The following UBR4 variants were observed in gnomAD, a reference collection of about 807,000 sequenced individuals.
The protein encoded by UBR4 is E3 ubiquitin-protein ligase UBR4.
A neutral mutation model predicts 575.6 loss-of-function variants in UBR4; 124 were observed. That is an observed-to-expected ratio of 0.22 (90% CI 0.19 to 0.25). The LOEUF is 0.25. Ranked by LOEUF, UBR4 falls within the 10% of genes least tolerant of loss-of-function variation. The pLI, the probability that UBR4 is intolerant of heterozygous loss-of-function variation, is 1.00. For synonymous variants in UBR4, 2,455 were observed against 2,473.7 expected (o/e 0.99, Z 0.22); for missense variants, 4,818 against 6,478.8 (o/e 0.74, Z 8.80).
At chr1:19,131,663 CA>C (rs1372495040) in intron 60 of UBR4, among the ~76,000 whole-genome samples, 1 of 152,188 alleles carries the variant, frequency 6.6e-6, no homozygotes, top group Non-Finnish European at 1.5e-5. Context: ...CATCTGAGGT[CA>C]AAAGTTCAAG....
At chr1:19,176,537 A>G (rs1048410963) in intron 20 of UBR4, 55 bp downstream of exon 20, 2 of 1,590,012 alleles carry the variant, frequency 1.3e-6, no homozygotes, top group Admixed American at 1.7e-5. Context: ...TTCAAATTCA[A>G]CCCCACCAAT....
chr1:19,116,566 C>T (rs562654932), intron 73 of UBR4, among the ~76,000 whole-genome samples: 1 of 152,210 alleles, frequency 6.6e-6, no homozygotes, highest in Non-Finnish European at 1.5e-5. Context: ...CTCTGTAAGT[C>T]TTACTATTCA....
intron 83 of UBR4, 79 bp downstream of exon 83, chr1:19,106,490 T>C: frequency 1.4e-6 from 2 of 1,468,054 alleles, no homozygotes; most frequent in African/African-American, 1.4e-5. Flanking sequence ...TGCAGACACA[T>C]GGTGAGGGGC....
chr1:19,110,679 G>A lies in UBR4; in HGVS notation c.11892+63C>T. 2.6e-6 allele frequency: 4 copies of A among 1,565,330 alleles called. No homozygotes were observed. In the South Asian group the frequency reaches 3.3e-5, roughly 13 times the overall value. On this transcript the variant is annotated intron_variant, in intron 79 of 105. Coordinates refer to ENST00000375254, the MANE Select transcript of UBR4 (RefSeq NM_020765.3). This position sits in a 1 kb window ranked among gnomAD's most constrained non-coding sequence, Gnocchi z 4.5. ...ACCGCAGGACCTGGGAGGGGAAGCT[G>A]AGAAACACAAGGCATGTGAGGGGAA...
chr1:19,120,965 T>C (rs1354721333), intron 68 of UBR4, among the ~76,000 whole-genome samples: 1 of 152,236 alleles, frequency 6.6e-6, no homozygotes, highest in Non-Finnish European at 1.5e-5. Flanking sequence ...TCAGTGCACT[T>C]TGACTTTTCT....
Position 19,100,207 on chromosome 1 carries a change from C to T in UBR4, c.13221+169G>A. On this transcript the variant is annotated intron_variant, in intron 89 of 105. Transcript: ENST00000375254. This position sits in a 1 kb window ranked among gnomAD's most constrained non-coding sequence, Gnocchi z 4.2. ...CCTTTACAGGTTATTAACCTTAGCA[C>T]TAGGTGAGGTAGAAAGGTGGGAATC... The T allele has an allele frequency of 1.5e-6, 1 of 673,744 alleles. No individual in the cohort carries two copies. Among genetic ancestry groups the T allele is most frequent in the Non-Finnish European group, 2.5e-6 (1 of 392,924 alleles). 41.7% of individuals were successfully genotyped at this position (673,744 alleles called of 1,614,324 possible).
intron 52 of UBR4, 30 bp from the exon 53 acceptor site, chr1:19,145,963 T>C (rs1465200031): frequency 6.2e-7 from 1 of 1,612,662 alleles, no homozygotes; most frequent in Non-Finnish European, 8.5e-7. Flanking sequence ...TTATCAACGA[T>C]GGTAAATCTG....
chr1:19,125,860 T>A (rs1031783520), intron 64 of UBR4, among the ~76,000 whole-genome samples: 5 of 152,182 alleles, frequency 3.3e-5, no homozygotes, highest in Non-Finnish European at 5.9e-5. Context: ...TGGGCATTGA[T>A]ACATGCTAGG....
intron 9 of UBR4, 72 bp from the exon 10 acceptor site, chr1:19,192,612 CA>C: frequency 1.9e-6 from 3 of 1,541,138 alleles, no homozygotes; most frequent in Non-Finnish European, 2.7e-6. Flanking sequence ...AAATCCTACC[CA>C]AACAATTTAA....
At position 19,144,139 on chromosome 1, in the gene UBR4, G is replaced by A. The variant is rs758463613; in HGVS notation, c.8068-48C>T. 8 of 1,541,582 alleles carry A rather than the reference G, an allele frequency of 5.2e-6. No individual in the cohort carries two copies. In the Admixed American group the frequency reaches 1.3e-4, roughly 26 times the overall value. ...CACGCTTTGCTCTCATATTATTCATGAAACTCTCTATAAAACACTTTCCTT... is the reference window on the plus strand; with the variant it reads ...CACGCTTTGCTCTCATATTATTCATAAAACTCTCTATAAAACACTTTCCTT... On this transcript the variant is annotated intron_variant, in intron 54 of 105. Transcript: ENST00000375254.
chr1:19,092,446 A>C, intron 97 of UBR4, among the ~76,000 whole-genome samples: 1 of 151,522 alleles, frequency 6.6e-6, no homozygotes, highest in South Asian at 2.1e-4. Context: ...TGCGGAGTGG[A>C]ATGGGTGGGA....
chr1:19,167,162 A>G lies in UBR4; in HGVS notation c.3969T>C (p.Thr1323=). The G allele has an allele frequency of 2.5e-6, 4 of 1,614,238 alleles. No homozygotes were observed. The South Asian group carries it at 4.4e-5, about 18-fold the overall frequency. The change falls in exon 29 of 106, where the codon ACT becomes ACC. Residue 1323 remains threonine, a synonymous_variant. Coordinates refer to ENST00000375254, the MANE Select transcript of UBR4 (RefSeq NM_020765.3). Reference sequence around the variant, plus strand: ...TGCTACTGATCTCGGCAACACTCTCAGTGCTTGATTCCAAAAGAAGAGGTA... The same window carrying G: ...TGCTACTGATCTCGGCAACACTCTCGGTGCTTGATTCCAAAAGAAGAGGTA... ...TLLPLLLESS[T]ESVAEISSNS...
Position 19,173,093 on chromosome 1 carries a change from T to C in UBR4, c.3292A>G (p.Ile1098Val), listed in dbSNP as rs766013363. ...CAGTCGATACTACAGAAGGATGAGA[T>C]CTTTAAAAATATGCAAAATATAATT... is the stretch of plus-strand genomic sequence containing the variant. ...EIVEEYFARQ[I>V]SSFCSIDCTT... Residue 1098 changes from isoleucine (I) to valine (V), a missense_variant and splice_region_variant, in exon 25 of 106, where the codon ATC becomes GTC. Ile to Val is a conservative substitution (Grantham distance 29). Coordinates refer to ENST00000375254, the MANE Select transcript of UBR4 (RefSeq NM_020765.3). The C allele has an allele frequency of 6.2e-7, 1 of 1,613,856 alleles. No individual in the cohort carries two copies.
chr1:19,193,633 C>A (rs943753345), intron 8 of UBR4, 76 bp from the exon 9 acceptor site: 6 of 1,511,216 alleles, frequency 4.0e-6, no homozygotes, highest in African/African-American at 2.8e-5. Context: ...CAAAAGCACA[C>A]CCCACCCACA....
At chr1:19,081,908 T>C (rs1283923939) in intron 102 of UBR4, 2 of 611,062 alleles carry the variant, frequency 3.3e-6, no homozygotes, top group Non-Finnish European at 5.9e-6. Context: ...GGAACTGTGC[T>C]AGTAACTCCA....
chr1:19,186,515 G>A (rs991315975), intron 14 of UBR4, 25 bp downstream of exon 14: 1 of 1,594,792 alleles, frequency 6.3e-7, no homozygotes, highest in African/African-American at 1.3e-5. Flanking sequence ...CTTATCTCTG[G>A]GAGAGAGAAA....
chr1:19,206,476 AG>A (rs2093019209), intron 1 of UBR4, among the ~76,000 whole-genome samples: 1 of 152,024 alleles, frequency 6.6e-6, no homozygotes, highest in African/African-American at 2.4e-5. Flanking sequence ...TGGGCATTAC[AG>A]GCGCGCGCCA....
At chr1:19,161,554 A>C in intron 37 of UBR4, 35 bp downstream of exon 37, 1 of 1,553,812 alleles carries the variant, frequency 6.4e-7, no homozygotes, top group Non-Finnish European at 8.7e-7. Flanking sequence ...GTCACTAACA[A>C]GCCACCCTTT....
In UBR4 at chr1:19,089,961, T is replaced by A. The variant is rs960479526; in HGVS notation, c.14212-984A>T. Among the ~76,000 whole-genome samples, 2 of 152,258 alleles carry A rather than the reference T, an allele frequency of 1.3e-5. No individual in the cohort carries two copies. The highest frequency in any genetic ancestry group is 2.9e-5 in the Non-Finnish European group (2 of 68,040). On this transcript the variant is annotated intron_variant, in intron 97 of 105. Transcript: ENST00000375254. This position sits in a 1 kb window ranked among gnomAD's most constrained non-coding sequence, Gnocchi z 4.3. ...TACTGTGTGTGCATGCTTGCACATG[T>A]GTGTTTTCGGTGCTGGGAAAACAAA...
Sources: gnomAD v4.1 joint callset for allele counts (sites outside exome capture counted in the v4.1 genomes callset) on GRCh38, gnomAD v4.1.1 for gene constraint, Gnocchi (gnomAD v3.1) non-coding constraint, MANE v1.5 for transcripts, NCBI Gene and HGNC (gene_info 2026-07-23, HGNC 2026-07-21) for gene names.